The following FBXW8 variants were observed in gnomAD, a reference collection of about 807,000 sequenced individuals.
FBXW8 encodes F-box/WD repeat-containing protein 8.
In FBXW8, 57 loss-of-function variants were observed where a neutral mutation model predicts 65.3. That is an observed-to-expected ratio of 0.87 (90% CI 0.71 to 1.09). FBXW8 has a LOEUF of 1.09. FBXW8 is among the 50% of genes least tolerant of loss of function. The pLI is 0.00. For missense variants in FBXW8, 777 were observed against 814.8 expected, an observed-to-expected ratio of 0.95 and a Z score of 0.57; for synonymous variants, 308 against 330.2, an observed-to-expected ratio of 0.93 and a Z score of 0.73.
chr12:117,025,995 GTT>G (rs1394926831), intron 9 of FBXW8, among the ~76,000 whole-genome samples: 1 of 152,230 alleles, frequency 6.6e-6, no homozygotes, highest in African/African-American at 2.4e-5. Context: ...CGTGGTCACT[GTT>G]TTCACCAGCA....
chr12:116,921,950 C>T (rs1453272906), intron 1 of FBXW8, among the ~76,000 whole-genome samples: 2 of 150,956 alleles, frequency 1.3e-5, no homozygotes, highest in Admixed American at 6.6e-5. Context: ...ACCTCAGCCT[C>T]CTAAGTAGCT....
At chr12:116,932,598 C>T (rs149807180) in intron 2 of FBXW8, among the ~76,000 whole-genome samples, 2,311 of 152,262 alleles carry the variant, frequency 0.015, 53 homozygotes, top group African/African-American at 0.046. Context: ...TGCAGTGGCG[C>T]GATCTCGGCT....
chr12:116,942,275 C>T (rs1338635443), intron 2 of FBXW8, among the ~76,000 whole-genome samples: 1 of 151,870 alleles, frequency 6.6e-6, no homozygotes, highest in Non-Finnish European at 1.5e-5. Flanking sequence ...CCTGCCTCGG[C>T]CTCCAAAGGT....
intron 7 of FBXW8, among the ~76,000 whole-genome samples, chr12:117,004,234 T>C (rs1158237939): frequency 6.6e-6 from 1 of 152,258 alleles, no homozygotes; most frequent in Non-Finnish European, 1.5e-5. Context: ...TTTTCAAATC[T>C]GCTTAATCCG....
intron 5 of FBXW8, among the ~76,000 whole-genome samples, chr12:116,969,900 C>G (rs895574928): frequency 3.9e-5 from 6 of 152,178 alleles, no homozygotes; most frequent in Non-Finnish European, 7.3e-5. Flanking sequence ...CCTCATATTT[C>G]TTCTGCCTTG....
chr12:116,973,576 A>G (rs1429347824), intron 5 of FBXW8, among the ~76,000 whole-genome samples: 1 of 152,256 alleles, frequency 6.6e-6, no homozygotes. Context: ...CCAAAAGTGC[A>G]CAGCCTGATC....
intron 7 of FBXW8, among the ~76,000 whole-genome samples, chr12:117,008,353 G>A (rs1164890407): frequency 1.3e-5 from 2 of 152,076 alleles, no homozygotes; most frequent in East Asian, 3.9e-4. Flanking sequence ...TAATTTTTAG[G>A]TTATTCTCTG....
At position 116,911,322 on chromosome 12, in the gene FBXW8, G is replaced by A. The variant is rs900125830; in HGVS notation, c.285G>A (p.Gly95=). Residue 95 remains glycine, a synonymous_variant, in exon 1 of 11, where the codon GGG becomes GGA. Coordinates refer to ENST00000652555, the MANE Select transcript of FBXW8 (RefSeq NM_153348.3). Reference sequence around the variant, plus strand: ...TGGCCCGCGAGGGCGCCGGGGGCGGGGAGCAGCTGGTGGACCAGCTCATCC... The same window carrying A: ...TGGCCCGCGAGGGCGCCGGGGGCGGAGAGCAGCTGGTGGACCAGCTCATCC... ...SPLAREGAGG[G]EQLVDQLIRD... 23 of 1,283,564 alleles carry A rather than the reference G, an allele frequency of 1.8e-5. No individual in the cohort carries two copies. The highest frequency in any genetic ancestry group is 4.1e-5 in the Admixed American group (1 of 24,598). 79.5% of individuals were successfully genotyped at this position (1,283,564 alleles called of 1,614,324 possible).
intron 1 of FBXW8, among the ~76,000 whole-genome samples, chr12:116,916,142 G>A (rs1880388137): frequency 6.6e-6 from 1 of 151,996 alleles, no homozygotes; most frequent in Non-Finnish European, 1.5e-5. Context: ...AGCCAGTTTG[G>A]GACTCTCAGA....
chr12:116,934,889 G>A (rs61936974), intron 2 of FBXW8, among the ~76,000 whole-genome samples: 16,767 of 152,172 alleles, frequency 0.11, 1,226 homozygotes, highest in Middle Eastern at 0.16. Flanking sequence ...CATTCATCAC[G>A]AGAATCTCTT....
chr12:117,006,980 T>C (rs11829895), intron 7 of FBXW8, among the ~76,000 whole-genome samples: 4,106 of 152,142 alleles, frequency 0.027, 182 homozygotes, highest in African/African-American at 0.088. Context: ...TAATCCCATT[T>C]AGGAAAAAAA....
At chr12:117,017,457 G>A (rs748263044) in intron 8 of FBXW8, among the ~76,000 whole-genome samples, 1 of 152,126 alleles carries the variant, frequency 6.6e-6, no homozygotes, top group Non-Finnish European at 1.5e-5. Context: ...CATTAAACTG[G>A]CAGTTCTACC....
At chr12:117,012,173 C>T (rs1565941345) in intron 8 of FBXW8, among the ~76,000 whole-genome samples, 1 of 148,518 alleles carries the variant, frequency 6.7e-6, no homozygotes, top group Non-Finnish European at 1.5e-5. Flanking sequence ...CAAGCTGCCT[C>T]ATTATGTACG....
intron 7 of FBXW8, among the ~76,000 whole-genome samples, chr12:116,999,650 G>A (rs376258588): frequency 6.6e-6 from 1 of 152,148 alleles, no homozygotes; most frequent in Non-Finnish European, 1.5e-5. Context: ...AGCACTGGCT[G>A]CGTGGCGAGG....
chr12:116,988,851 G>C lies in FBXW8; in HGVS notation c.1221G>C (p.Trp407Cys), dbSNP rs1314664728. The C allele has an allele frequency of 6.2e-7, 1 of 1,613,872 alleles. No homozygotes were observed. The highest frequency in any genetic ancestry group is 1.1e-5 in the South Asian group (1 of 91,062). The change falls in exon 7 of 11, where the codon TGG becomes TGC. Residue 407 changes from tryptophan (W) to cysteine (C), a missense_variant. Physicochemically the swap from Trp to Cys is radical, Grantham distance 215. Transcript: ENST00000652555. ...QVAFGVQGLG[W>C]VYEGSKILVY... ...CTTTTGGTGTACAGGGTCTGGGATGGGTGTACGAAGGAAGCAAGGTACACA... is the reference window on the plus strand; with the variant it reads ...CTTTTGGTGTACAGGGTCTGGGATGCGTGTACGAAGGAAGCAAGGTACACA...
In FBXW8 at chr12:116,911,034, G is replaced by C; in HGVS notation, c.-4G>C. Reference sequence around the variant, plus strand: ...GAGAACGTGGAGCGCCGGGAGCGGCGAATATGGACGACTACAGCCTGGATG... The same window carrying C: ...GAGAACGTGGAGCGCCGGGAGCGGCCAATATGGACGACTACAGCCTGGATG... On this transcript the variant is annotated 5_prime_UTR_variant, in exon 1 of 11. Coordinates refer to ENST00000652555, the MANE Select transcript of FBXW8 (RefSeq NM_153348.3). 1 of 1,418,398 alleles carries C rather than the reference G, an allele frequency of 7.1e-7. No homozygotes were observed. Among genetic ancestry groups the C allele is most frequent in the Admixed American group, 3.0e-5 (1 of 33,520 alleles). The allele number at this position is 1,418,398 out of a possible 1,614,324, so 87.9% of individuals were successfully genotyped here.
chr12:116,911,692 A>T (rs1368850756), intron 1 of FBXW8, among the ~76,000 whole-genome samples: 2 of 152,092 alleles, frequency 1.3e-5, no homozygotes, highest in East Asian at 3.9e-4. Flanking sequence ...GCACAAAAAA[A>T]TTATCCAGGA....
At chr12:116,941,084 G>A (rs1262838985) in intron 2 of FBXW8, among the ~76,000 whole-genome samples, 1 of 152,214 alleles carries the variant, frequency 6.6e-6, no homozygotes, top group Admixed American at 6.5e-5. Flanking sequence ...CAGGGCCATA[G>A]GTAGAATGAG....
intron 2 of FBXW8, among the ~76,000 whole-genome samples, chr12:116,931,670 T>A (rs1250143261): frequency 1.3e-5 from 2 of 152,184 alleles, no homozygotes; most frequent in Admixed American, 6.5e-5. Flanking sequence ...TACAGATAGC[T>A]TGTTGTTAGT....
Sources: allele counts gnomAD v4.1 joint callset (sites outside exome capture counted in the v4.1 genomes callset), GRCh38; gene constraint gnomAD v4.1.1; transcripts MANE v1.5; gene names NCBI Gene and HGNC (gene_info 2026-07-23, HGNC 2026-07-21).